Variants in RAB7A observed in about 807,000 individuals in gnomAD.
RAB7A encodes the protein ras-related protein Rab-7a.
Under a neutral mutation model 24.5 loss-of-function variants are expected in RAB7A, and 2 were observed. The observed-to-expected ratio is 0.08, with a 90% CI of 0.03 to 0.26. The LOEUF (loss-of-function observed/expected upper bound fraction) is 0.26, where lower values mean the gene tolerates loss of function less well. Among genes scored for constraint, RAB7A ranks in the 10% least tolerant of loss-of-function variants. RAB7A has a pLI of 1.00. For synonymous variants in RAB7A, 100 were observed against 95.9 expected (o/e 1.04, Z -0.25); for missense variants, 118 against 255.7 (o/e 0.46, Z 3.67).
At chr3:128,780,958 A>G (rs894628933) in intron 1 of RAB7A, among the ~76,000 whole-genome samples, 9 of 152,186 alleles carry the variant, frequency 5.9e-5, no homozygotes, top group African/African-American at 2.2e-4. Context: ...TTAGGACTTC[A>G]CAAAGGTCTC....
chr3:128,774,105 T>A (rs73198831), intron 1 of RAB7A, among the ~76,000 whole-genome samples: 4,105 of 145,016 alleles, frequency 0.028, 86 homozygotes, highest in Middle Eastern at 0.058. Context: ...AGAAAAAAAA[T>A]TTTTTTAAAT....
intron 1 of RAB7A, among the ~76,000 whole-genome samples, chr3:128,784,318 C>T (rs918210335): frequency 3.3e-5 from 5 of 152,180 alleles, no homozygotes; most frequent in Non-Finnish European, 5.9e-5. Context: ...ACTTCCTTGG[C>T]GTTTTCCCTC....
At chr3:128,748,419 ACTC>A (rs953505613) in intron 1 of RAB7A, 2 of 151,208 alleles carry the variant, frequency 1.3e-5, no homozygotes, top group East Asian at 3.9e-4. Flanking sequence ...GCTAGCTTAG[ACTC>A]CTCCTCTTTG....
chr3:128,743,210 C>T (rs940360501), intron 1 of RAB7A, among the ~76,000 whole-genome samples: 1 of 152,212 alleles, frequency 6.6e-6, no homozygotes, highest in Non-Finnish European at 1.5e-5. Context: ...CAGCCGGCCA[C>T]TCCGAGTGTG....
intron 1 of RAB7A, among the ~76,000 whole-genome samples, chr3:128,760,912 A>G (rs753132501): frequency 7.2e-5 from 11 of 152,198 alleles, no homozygotes; most frequent in Non-Finnish European, 1.5e-4. Context: ...AAAAAGCTTC[A>G]TCTCCCATTT....
chr3:128,729,443 G>A (rs1576263542), intron 1 of RAB7A, among the ~76,000 whole-genome samples: 1 of 151,918 alleles, frequency 6.6e-6, no homozygotes, highest in Non-Finnish European at 1.5e-5. Context: ...GGTGGCGGGC[G>A]CCTGTAGTCC....
intron 1 of RAB7A, among the ~76,000 whole-genome samples, chr3:128,751,785 A>G (rs926695479): frequency 6.6e-6 from 1 of 152,174 alleles, no homozygotes; most frequent in African/African-American, 2.4e-5. Context: ...TGGTTTGACT[A>G]TGTCCCCATC....
chr3:128,764,102 A>G (rs1047233771), intron 1 of RAB7A, among the ~76,000 whole-genome samples: 1 of 152,102 alleles, frequency 6.6e-6, no homozygotes, highest in African/African-American at 2.4e-5. Flanking sequence ...AGAAGCCACA[A>G]GCTGTCCCAC....
chr3:128,798,691 A>G (rs964010592), intron 3 of RAB7A: 3 of 166,880 alleles, frequency 1.8e-5, no homozygotes, highest in Non-Finnish European at 2.6e-5. Context: ...GTATACATGT[A>G]TTAACATCCC....
intron 1 of RAB7A, among the ~76,000 whole-genome samples, chr3:128,738,573 T>C (rs1041329458): frequency 1.3e-5 from 2 of 152,212 alleles, no homozygotes; most frequent in Non-Finnish European, 1.5e-5. Flanking sequence ...CAGTCCACTT[T>C]TAAAGCTTTT....
chr3:128,797,043 A>G (rs1576299563), intron 2 of RAB7A, among the ~76,000 whole-genome samples: 1 of 151,706 alleles, frequency 6.6e-6, no homozygotes, highest in African/African-American at 2.4e-5. Flanking sequence ...TCTCTCTCCT[A>G]CCCCGCAACT....
chr3:128,795,740 TAGCAGA>T (rs1576298904), intron 2 of RAB7A, among the ~76,000 whole-genome samples: 2 of 146,546 alleles, frequency 1.4e-5, no homozygotes, highest in Admixed American at 1.4e-4. Context: ...GCATCTGGCG[TAGCAGA>T]TGTGCTTTTT....
intron 1 of RAB7A, among the ~76,000 whole-genome samples, chr3:128,746,850 C>T (rs923903584): frequency 6.6e-6 from 1 of 151,356 alleles, no homozygotes; most frequent in Admixed American, 6.6e-5. Context: ...TTTTAAGATT[C>T]AACACATTGG....
intron 3 of RAB7A, among the ~76,000 whole-genome samples, chr3:128,802,275 C>G (rs751832134): frequency 5.3e-5 from 8 of 151,268 alleles, no homozygotes; most frequent in Non-Finnish European, 1.2e-4. Flanking sequence ...TTAAAGTTCT[C>G]TATACTGTTC....
At chr3:128,776,296 G>T (rs551993332) in intron 1 of RAB7A, among the ~76,000 whole-genome samples, 1 of 151,944 alleles carries the variant, frequency 6.6e-6, no homozygotes, top group African/African-American at 2.4e-5. Flanking sequence ...TACAGGCAGG[G>T]TCTCACTGTG....
At chr3:128,745,810 G>A (rs2070608485) in intron 1 of RAB7A, among the ~76,000 whole-genome samples, 1 of 152,248 alleles carries the variant, frequency 6.6e-6, no homozygotes, top group African/African-American at 2.4e-5. Context: ...GAAGGCCACA[G>A]GGGTGCCAGT....
intron 1 of RAB7A, among the ~76,000 whole-genome samples, chr3:128,791,708 ACT>A (rs1933457413): frequency 6.6e-6 from 1 of 151,954 alleles, no homozygotes; most frequent in Non-Finnish European, 1.5e-5. Context: ...GAACACAGTG[ACT>A]CTGCTGGGCA....
At position 128,807,604 on chromosome 3, in the gene RAB7A, C is replaced by G. The variant is rs770494797; in HGVS notation, c.461C>G (p.Thr154Ser). 6.2e-7 allele frequency: 1 copy of G among 1,614,218 alleles called. No individual in the cohort carries two copies. The highest frequency in any genetic ancestry group is 8.5e-7 in the Non-Finnish European group (1 of 1,180,046). Residue 154 changes from threonine to serine, a missense_variant, in exon 5 of 6, where the codon ACC becomes AGC. Thr to Ser is a moderately conservative substitution (Grantham distance 58). Around this residue, in one of 2 missense-constraint regions of RAB7A, gnomAD observed 66 missense variants for 82.2 expected, o/e 0.80. Transcript: ENST00000265062. ...AAAAACAACATTCCCTACTTTGAGA[C>G]CAGTGCCAAGGAGGCCATCAACGTG... ...YSKNNIPYFE[T>S]SAKEAINVEQ...
In RAB7A at chr3:128,761,199, A is replaced by G. The variant is rs777747143; in HGVS notation, c.-8-34161A>G. Among the ~76,000 whole-genome samples the G allele has an allele frequency of 3.9e-5, 6 of 152,216 alleles. No individual in the cohort carries two copies. In the East Asian group the frequency reaches 7.7e-4, roughly 20 times the overall value. ...ATCTCTGTACCCAGTTGAGGATTCA[A>G]CATCTAGGTATCCTCTTTGGGAAGC... On this transcript the variant is annotated intron_variant, in intron 1 of 5. Coordinates refer to ENST00000265062, the MANE Select transcript of RAB7A (RefSeq NM_004637.6).
Sources: allele counts gnomAD v4.1 joint callset (sites outside exome capture counted in the v4.1 genomes callset), GRCh38; gene constraint gnomAD v4.1.1; regional missense constraint gnomAD v4.1.1; transcripts MANE v1.5; gene names NCBI Gene and HGNC (gene_info 2026-07-23, HGNC 2026-07-21).